The following PTPRR variants were observed in gnomAD, a reference collection of about 807,000 sequenced individuals.
The protein encoded by PTPRR is protein tyrosine phosphatase receptor type R.
PTPRR carries 38 observed loss-of-function variants against 77.2 expected under a neutral mutation model. That is an observed-to-expected ratio of 0.49 (90% CI 0.38 to 0.65). PTPRR has a LOEUF of 0.65. Ranked by LOEUF, PTPRR falls within the 30% of genes least tolerant of loss-of-function variation. The pLI, the probability that PTPRR is intolerant of heterozygous loss-of-function variation, is 0.00. For synonymous variants in PTPRR, 299 were observed against 283.1 expected (o/e 1.06, Z -0.57); for missense variants, 744 against 799.2 (o/e 0.93, Z 0.83).
intron 8 of PTPRR, among the ~76,000 whole-genome samples, chr12:70,686,657 A>G (rs545554805): frequency 6.6e-6 from 1 of 152,118 alleles, no homozygotes; most frequent in Non-Finnish European, 1.5e-5. Context: ...CCATATTTTG[A>G]GGGCACTCAA....
chr12:70,731,078 G>C (rs1592713404), intron 6 of PTPRR, among the ~76,000 whole-genome samples: 1 of 146,712 alleles, frequency 6.8e-6, no homozygotes, highest in East Asian at 2.0e-4. Flanking sequence ...GAAGGCAAGA[G>C]AGAGGAAGGA....
At chr12:70,711,130 G>A (rs1888812717) in intron 6 of PTPRR, among the ~76,000 whole-genome samples, 1 of 152,080 alleles carries the variant, frequency 6.6e-6, no homozygotes, top group African/African-American at 2.4e-5. Context: ...CAAAGACACG[G>A]AATCAACATA....
chr12:70,698,324 G>T lies in PTPRR; in HGVS notation c.1220C>A (p.Pro407His), dbSNP rs1888304261. Residue 407 changes from proline to histidine, a missense_variant, in exon 8 of 14, where the codon CCC becomes CAC. By Grantham distance (77) the Pro-to-His change is moderately conservative (BLOSUM62 -2). This residue lies in a region of PTPRR where 570 missense variants were observed against 573.2 expected (regional missense o/e 0.99). Transcript: ENST00000283228. ...FMEIPMNFVD[P>H]KEIDIPRHGT... ...ATGACGCGGAATATCAATTTCTTTGGGATCCACAAAGTTCATTGGTATTTC... is the reference window on the plus strand; with the variant it reads ...ATGACGCGGAATATCAATTTCTTTGTGATCCACAAAGTTCATTGGTATTTC... The T allele has an allele frequency of 3.7e-6, 6 of 1,612,000 alleles. No individual in the cohort carries two copies. The highest frequency in any genetic ancestry group is 5.1e-6 in the Non-Finnish European group (6 of 1,178,742).
At chr12:70,819,467 G>A (rs1183013353) in intron 2 of PTPRR, among the ~76,000 whole-genome samples, 2 of 152,188 alleles carry the variant, frequency 1.3e-5, no homozygotes, top group Non-Finnish European at 2.9e-5. Flanking sequence ...TGTAATTTGA[G>A]GGGCTGCTGG....
At chr12:70,649,510 T>C (rs559339316) in intron 13 of PTPRR, among the ~76,000 whole-genome samples, 4 of 152,200 alleles carry the variant, frequency 2.6e-5, no homozygotes, top group Admixed American at 6.5e-5. Context: ...CCTTCTGATA[T>C]ACTGGTTCTG....
intron 2 of PTPRR, among the ~76,000 whole-genome samples, chr12:70,857,621 TG>T (rs1892675577): frequency 6.6e-6 from 1 of 152,080 alleles, no homozygotes; most frequent in Admixed American, 6.6e-5. Flanking sequence ...AACAAGAAAA[TG>T]ACCCATAAAA....
chr12:70,691,667 T>G (rs1192577718), intron 8 of PTPRR, among the ~76,000 whole-genome samples: 1 of 152,196 alleles, frequency 6.6e-6, no homozygotes, highest in Non-Finnish European at 1.5e-5. Context: ...CTTTCTGCTA[T>G]TGTTTAGGTT....
At chr12:70,788,607 G>C (rs376692377) in intron 2 of PTPRR, among the ~76,000 whole-genome samples, 2 of 152,258 alleles carry the variant, frequency 1.3e-5, no homozygotes, top group South Asian at 4.1e-4. Flanking sequence ...GATATTTACT[G>C]TTAAGATATT....
At chr12:70,814,166 A>G (rs1891859596) in intron 2 of PTPRR, among the ~76,000 whole-genome samples, 1 of 152,236 alleles carries the variant, frequency 6.6e-6, no homozygotes, top group Non-Finnish European at 1.5e-5. Context: ...AGGTGCTTGC[A>G]TAACAAGAGA....
Position 70,679,970 on chromosome 12 carries a change from C to T in PTPRR, c.1497+4157G>A, listed in dbSNP as rs369521701. On this transcript the variant is annotated intron_variant, in intron 10 of 13. Coordinates refer to ENST00000283228, the MANE Select transcript of PTPRR (RefSeq NM_002849.4). ...CTAGATACTTTGTTTCTTTCTTCTA[C>T]TTTTATTGTTTCCCTTTGTGACTTG... 2.6e-5 allele frequency among the ~76,000 whole-genome samples: 4 copies of T among 152,202 alleles called. No homozygotes were observed. In the East Asian group the frequency reaches 7.7e-4, roughly 29 times the overall value.
At chr12:70,655,379 A>T (rs1423419839) in intron 13 of PTPRR, among the ~76,000 whole-genome samples, 1 of 152,228 alleles carries the variant, frequency 6.6e-6, no homozygotes, top group Non-Finnish European at 1.5e-5. Context: ...TGATCCATCA[A>T]TCCCACTTTT....
chr12:70,660,870 C>T, intron 12 of PTPRR, 70 bp downstream of exon 12: 2 of 1,447,116 alleles, frequency 1.4e-6, no homozygotes, highest in Middle Eastern at 2.5e-4. Context: ...GCAAAACCCA[C>T]TTGCACCTGC....
At chr12:70,804,439 G>A (rs1314995401) in intron 2 of PTPRR, among the ~76,000 whole-genome samples, 1 of 151,940 alleles carries the variant, frequency 6.6e-6, no homozygotes, top group Non-Finnish European at 1.5e-5. Flanking sequence ...TACACCTGTA[G>A]TCCCAGCTAC....
At chr12:70,723,263 A>G (rs1362630809) in intron 6 of PTPRR, among the ~76,000 whole-genome samples, 1 of 152,198 alleles carries the variant, frequency 6.6e-6, no homozygotes, top group African/African-American at 2.4e-5. Flanking sequence ...GAGACTTGGA[A>G]ATTAAATCAA....
chr12:70,673,719 A>T (rs1887333253), intron 10 of PTPRR, among the ~76,000 whole-genome samples: 1 of 152,180 alleles, frequency 6.6e-6, no homozygotes, highest in African/African-American at 2.4e-5. Context: ...TACTCAGAAA[A>T]TTCAAACCAA....
At chr12:70,808,135 A>C (rs569647624) in intron 2 of PTPRR, among the ~76,000 whole-genome samples, 1 of 152,058 alleles carries the variant, frequency 6.6e-6, no homozygotes, top group African/African-American at 2.4e-5. Flanking sequence ...ATGCAGATGT[A>C]GATAGGGATG....
chr12:70,797,856 G>T (rs1891543599), intron 2 of PTPRR, among the ~76,000 whole-genome samples: 1 of 151,906 alleles, frequency 6.6e-6, no homozygotes. Context: ...GATGCTTAGG[G>T]TTCCTGCCTG....
chr12:70,762,744 T>A lies in PTPRR; in HGVS notation c.472-1118A>T, dbSNP rs1034329414. Among the ~76,000 whole-genome samples, 3 of 152,332 alleles carry A rather than the reference T, an allele frequency of 2.0e-5. No individual in the cohort carries two copies. The East Asian group carries it at 5.8e-4, about 29-fold the overall frequency. On this transcript the variant is annotated intron_variant, in intron 3 of 13. Transcript: ENST00000283228. Reference sequence around the variant, plus strand: ...ATTTTACAAATAAAACGTAAGAGGCTTGCCCACATTCACATACATGGAATA... The same window carrying A: ...ATTTTACAAATAAAACGTAAGAGGCATGCCCACATTCACATACATGGAATA...
chr12:70,891,845 G>T lies in PTPRR; in HGVS notation c.357+834C>A, dbSNP rs947173365. Among the ~76,000 whole-genome samples, 126 of 152,172 alleles carry T rather than the reference G, an allele frequency of 8.3e-4. 2 individuals are homozygous for T. Among genetic ancestry groups the T allele is most frequent in the Non-Finnish European group, 1.2e-4 (8 of 67,992 alleles). ...GAGGAGTTGCCAAAATGCAAACATG[G>T]TTTCATTGAATTATCTTGGCCACAC... On this transcript the variant is annotated intron_variant, in intron 2 of 13. Coordinates refer to ENST00000283228, the MANE Select transcript of PTPRR (RefSeq NM_002849.4).
Sources: gnomAD v4.1 joint callset for allele counts (sites outside exome capture counted in the v4.1 genomes callset) on GRCh38, gnomAD v4.1.1 for gene constraint, gnomAD v4.1.1 regional missense constraint, MANE v1.5 for transcripts, NCBI Gene and HGNC (gene_info 2026-07-23, HGNC 2026-07-21) for gene names.